Variants in ALG14 observed in about 807,000 individuals in gnomAD.
ALG14 encodes the protein UDP-N-acetylglucosamine transferase subunit ALG14.
ALG14 carries 17 observed loss-of-function variants against 22.8 expected under a neutral mutation model. That is an observed-to-expected ratio of 0.75 (90% CI 0.51 to 1.12). The LOEUF (loss-of-function observed/expected upper bound fraction) is 1.12, where lower values mean the gene tolerates loss of function less well. Ranked by LOEUF, ALG14 falls within the 50% of genes most tolerant of loss-of-function variation. ALG14 has a pLI of 0.00. For missense variants in ALG14, 288 were observed against 271.8 expected, an observed-to-expected ratio of 1.06 and a Z score of -0.42; for synonymous variants, 89 against 103.7, an observed-to-expected ratio of 0.86 and a Z score of 0.86.
At chr1:95,047,866 C>T (rs1157018167) in intron 2 of ALG14, among the ~76,000 whole-genome samples, 1 of 152,020 alleles carries the variant, frequency 6.6e-6, no homozygotes, top group East Asian at 1.9e-4. Context: ...GTTCTAGCTA[C>T]TTGGGAAGCT....
At chr1:94,994,966 T>C (rs1342446501) in intron 3 of ALG14, among the ~76,000 whole-genome samples, 1 of 152,194 alleles carries the variant, frequency 6.6e-6, no homozygotes, top group Admixed American at 6.5e-5. Context: ...GTATTCGTCC[T>C]AAACAGGAAG....
At chr1:95,022,601 C>G (rs751563444) in intron 3 of ALG14, among the ~76,000 whole-genome samples, 1 of 152,188 alleles carries the variant, frequency 6.6e-6, no homozygotes, top group Non-Finnish European at 1.5e-5. Context: ...TTATAGAGGA[C>G]TGGGCAACAG....
chr1:94,987,147 G>C (rs1672665576), intron 3 of ALG14, among the ~76,000 whole-genome samples: 1 of 152,180 alleles, frequency 6.6e-6, no homozygotes, highest in Non-Finnish European at 1.5e-5. Context: ...GCAGAGCCGA[G>C]AGATGAAGAC....
At chr1:95,009,269 C>G (rs917870946) in intron 3 of ALG14, among the ~76,000 whole-genome samples, 2 of 150,662 alleles carry the variant, frequency 1.3e-5, no homozygotes, top group African/African-American at 4.9e-5. Flanking sequence ...GAGGAATTTG[C>G]AAAAGGTTTT....
intron 3 of ALG14, among the ~76,000 whole-genome samples, chr1:94,996,713 C>T (rs1177987051): frequency 1.3e-5 from 2 of 152,006 alleles, no homozygotes; most frequent in Non-Finnish European, 2.9e-5. Flanking sequence ...TGGAGTTTTA[C>T]TCTTGTCACC....
intron 3 of ALG14, among the ~76,000 whole-genome samples, chr1:95,020,747 AAAAC>A (rs1673638053): frequency 1.3e-5 from 2 of 151,330 alleles, no homozygotes; most frequent in Non-Finnish European, 3.0e-5. Flanking sequence ...TCAAAAAAAA[AAAAC>A]AAAACAAAAA....
chr1:95,071,036 C>T (rs935425910), intron 1 of ALG14, among the ~76,000 whole-genome samples: 3 of 152,182 alleles, frequency 2.0e-5, no homozygotes, highest in African/African-American at 7.2e-5. Context: ...CCATCACGCC[C>T]GGCCTAAACA....
intron 2 of ALG14, among the ~76,000 whole-genome samples, chr1:95,062,920 T>C (rs1008140252): frequency 2.6e-5 from 4 of 152,230 alleles, no homozygotes; most frequent in African/African-American, 9.6e-5. Flanking sequence ...CCACCAATAC[T>C]GTAAAAGCAT....
chr1:95,013,215 T>TATAATTAAATATAG (rs1673415937), intron 3 of ALG14, among the ~76,000 whole-genome samples: 2 of 152,088 alleles, frequency 1.3e-5, no homozygotes, highest in South Asian at 4.1e-4. Context: ...TAGAATTGTC[T>TATAATTAAATATAG]CATTTTTCTA....
chr1:95,064,448 A>G (rs1675281180), intron 2 of ALG14, among the ~76,000 whole-genome samples: 1 of 152,158 alleles, frequency 6.6e-6, no homozygotes. Context: ...ATTTTGAGGT[A>G]TGTTCCTTCA....
chr1:95,011,466 C>T (rs1673359781), intron 3 of ALG14, among the ~76,000 whole-genome samples: 1 of 151,578 alleles, frequency 6.6e-6, no homozygotes, highest in South Asian at 2.1e-4. Flanking sequence ...CACTCTGTCG[C>T]CCAGGCTGGA....
At chr1:95,054,460 C>T (rs1674864073) in intron 2 of ALG14, among the ~76,000 whole-genome samples, 1 of 137,134 alleles carries the variant, frequency 7.3e-6, no homozygotes, top group African/African-American at 2.5e-5. Context: ...AGCTGCTATG[C>T]TTCTTGTATA....
chr1:95,036,560 G>A (rs1674201962), intron 2 of ALG14, among the ~76,000 whole-genome samples: 1 of 151,042 alleles, frequency 6.6e-6, no homozygotes, highest in African/African-American at 2.4e-5. Context: ...TCAAGTAGTT[G>A]GGATTACAGG....
In ALG14 at chr1:94,980,168, T is replaced by C. The variant is rs1672470871; in HGVS notation, c.*2908A>G. 6.6e-6 allele frequency: 1 copy of C among 152,174 alleles called. No homozygotes were observed. The highest frequency in any genetic ancestry group is 1.5e-5 in the Non-Finnish European group (1 of 68,018). The allele number at this position is 152,174 out of a possible 1,614,324, so 9.4% of individuals were successfully genotyped here. On this transcript the variant is annotated 3_prime_UTR_variant, in exon 4 of 4. Transcript: ENST00000370205. Reference sequence around the variant, plus strand: ...GAAAGGTAGAATGATGTGTTCCAAGTTGCTTTTATAAGGGGAAGCTTGGGT... The same window carrying C: ...GAAAGGTAGAATGATGTGTTCCAAGCTGCTTTTATAAGGGGAAGCTTGGGT...
intron 1 of ALG14, among the ~76,000 whole-genome samples, chr1:95,065,637 G>T (rs1210653733): frequency 2.0e-5 from 3 of 152,152 alleles, no homozygotes; most frequent in Non-Finnish European, 4.4e-5. Context: ...GTCACTGAAG[G>T]TTCTATGTAG....
intron 2 of ALG14, among the ~76,000 whole-genome samples, chr1:95,028,492 C>G (rs1429240231): frequency 6.6e-6 from 1 of 152,156 alleles, no homozygotes; most frequent in Non-Finnish European, 1.5e-5. Flanking sequence ...AGTCACTATA[C>G]TCGGCCATGC....
intron 2 of ALG14, 151 bp from the exon 3 acceptor site, chr1:95,027,411 C>G: frequency 1.0e-6 from 1 of 952,706 alleles, no homozygotes; most frequent in Non-Finnish European, 1.5e-6. Flanking sequence ...ATGCCTATCT[C>G]ATGCTTTATA....
chr1:95,072,765 G>C lies in ALG14; in HGVS notation c.134C>G (p.Ser45Cys). Residue 45 changes from serine (S) to cysteine (C), a missense_variant and splice_region_variant, in exon 1 of 4, where the codon TCC (serine) becomes TGC (cysteine). Physicochemically the swap from Ser to Cys is moderately radical, Grantham distance 112. Transcript: ENST00000370205. ...ACAGTCGCCTCCTCGATACTTACCGGACCCAGCCACTACCAAGATACTGAG... is the reference window on the plus strand; with the variant it reads ...ACAGTCGCCTCCTCGATACTTACCGCACCCAGCCACTACCAAGATACTGAG... ...ESLSILVVAG[S>C]GGHTTEILRL... 1 of 1,614,036 alleles carries C rather than the reference G, an allele frequency of 6.2e-7. No homozygotes were observed. The highest frequency in any genetic ancestry group is 8.5e-7 in the Non-Finnish European group (1 of 1,180,018).
intron 3 of ALG14, among the ~76,000 whole-genome samples, chr1:94,985,067 G>A (rs1336872943): frequency 6.6e-6 from 1 of 152,014 alleles, no homozygotes; most frequent in Non-Finnish European, 1.5e-5. Flanking sequence ...ACAGAAGTTG[G>A]GCAAGTTGCT....
Sources: allele counts gnomAD v4.1 joint callset (sites outside exome capture counted in the v4.1 genomes callset), GRCh38; gene constraint gnomAD v4.1.1; transcripts MANE v1.5; gene names NCBI Gene and HGNC (gene_info 2026-07-23, HGNC 2026-07-21).